NPAS3: variants seen among roughly 807,000 people sequenced by gnomAD.
NPAS3 encodes neuronal PAS domain-containing protein 3.
In NPAS3, 14 loss-of-function variants were observed where a neutral mutation model predicts 73.1. That is an observed-to-expected ratio of 0.19 (90% CI 0.13 to 0.30). NPAS3 has a LOEUF of 0.30. Ranked by LOEUF, NPAS3 falls within the 10% of genes least tolerant of loss-of-function variation. NPAS3 has a pLI of 1.00. For missense variants in NPAS3, 1,096 were observed against 1,250.0 expected (o/e 0.88, Z 1.86); for synonymous variants, 620 against 541.5 (o/e 1.14, Z -2.01).
In NPAS3 at chr14:33,800,398, CGGCGGTGGGGGT is replaced by C; in HGVS notation, c.2100_2111del (p.Gly703_Gly706del). The C allele has an allele frequency of 1.9e-6, 3 of 1,592,116 alleles. No individual in the cohort carries two copies. Among genetic ancestry groups the C allele is most frequent in the South Asian group, 1.1e-5 (1 of 90,100 alleles). On this transcript the variant is annotated inframe_deletion, in exon 12 of 12. Coordinates refer to ENST00000356141, the Ensembl canonical transcript of NPAS3. This position sits in a 1 kb window ranked among gnomAD's most constrained non-coding sequence, Gnocchi z 6.5. ...AGCACTTCCCGTCCCCGCAGGGCGGCGGCGGTGGGGGTGGCGGTGGCGGGGGGCTGCACGTGG... is the reference window on the plus strand; with the variant it reads ...AGCACTTCCCGTCCCCGCAGGGCGGCGGCGGTGGCGGGGGGCTGCACGTGG...
intron 4 of NPAS3, among the ~76,000 whole-genome samples, chr14:33,492,842 C>T (rs2051969681): frequency 6.6e-6 from 1 of 152,160 alleles, no homozygotes; most frequent in South Asian, 2.1e-4. Context: ...GCAATGATGG[C>T]AGGCTCTTCA....
At chr14:33,697,257 A>T (rs1202309426) in intron 6 of NPAS3, among the ~76,000 whole-genome samples, 1 of 152,184 alleles carries the variant, frequency 6.6e-6, no homozygotes, top group Non-Finnish European at 1.5e-5. Flanking sequence ...TGTCTATCAG[A>T]CAGCAATACT....
intron 6 of NPAS3, among the ~76,000 whole-genome samples, chr14:33,702,734 T>G (rs2060555275): frequency 6.6e-6 from 1 of 152,126 alleles, no homozygotes; most frequent in Non-Finnish European, 1.5e-5. Context: ...GGCAAGAAGA[T>G]AGAGACCTCA....
intron 2 of NPAS3, among the ~76,000 whole-genome samples, chr14:33,173,583 T>C (rs1181859564): frequency 6.6e-6 from 1 of 152,182 alleles, no homozygotes; most frequent in Non-Finnish European, 1.5e-5. Context: ...CTGATTCAGG[T>C]TTGTTTCAAG....
chr14:33,597,536 A>T (rs1420318318), intron 5 of NPAS3, among the ~76,000 whole-genome samples: 3 of 152,230 alleles, frequency 2.0e-5, no homozygotes, highest in Non-Finnish European at 2.9e-5. Flanking sequence ...AAGTCAGTTG[A>T]TTTAGAAACA....
At chr14:33,138,921 G>C (rs544308493) in intron 2 of NPAS3, among the ~76,000 whole-genome samples, 1 of 152,322 alleles carries the variant, frequency 6.6e-6, no homozygotes, top group Non-Finnish European at 1.5e-5. Context: ...CTGGATGCAT[G>C]ATTAAATACT....
At chr14:33,308,757 C>G (rs544050359) in intron 3 of NPAS3, among the ~76,000 whole-genome samples, 1 of 151,954 alleles carries the variant, frequency 6.6e-6, no homozygotes, top group African/African-American at 2.4e-5. Context: ...CCACAAATAA[C>G]TGTTCACCAC....
chr14:33,027,656 G>T (rs1011953376), intron 1 of NPAS3, among the ~76,000 whole-genome samples: 3 of 152,010 alleles, frequency 2.0e-5, no homozygotes, highest in African/African-American at 4.8e-5. Flanking sequence ...CAAACCATCT[G>T]CATTTGTTTT....
chr14:33,336,840 G>A (rs925923430), intron 3 of NPAS3, among the ~76,000 whole-genome samples: 2 of 149,930 alleles, frequency 1.3e-5, no homozygotes, highest in Non-Finnish European at 1.5e-5. Flanking sequence ...CTGATACTGT[G>A]GACCATCTTT....
chr14:33,335,439 G>A (rs2044182131), intron 3 of NPAS3, among the ~76,000 whole-genome samples: 2 of 152,134 alleles, frequency 1.3e-5, no homozygotes, highest in African/African-American at 4.8e-5. Flanking sequence ...TGAGTCAGAT[G>A]TCAGGCATTT....
chr14:33,175,679 TAAATTTAATTCATA>T (rs985865294), intron 2 of NPAS3, among the ~76,000 whole-genome samples: 1 of 152,196 alleles, frequency 6.6e-6, no homozygotes, highest in Non-Finnish European at 1.5e-5. Flanking sequence ...GTGGAAAAAG[TAAATTTAATTCATA>T]AGGTTGCCTT....
At chr14:33,784,014 C>G (rs948971502) in intron 9 of NPAS3, among the ~76,000 whole-genome samples, 1 of 152,146 alleles carries the variant, frequency 6.6e-6, no homozygotes, top group Non-Finnish European at 1.5e-5. Context: ...TCTCAGGGTA[C>G]TCGATCAGTA....
At chr14:32,996,402 A>T (rs565572907) in intron 1 of NPAS3, among the ~76,000 whole-genome samples, 2 of 152,316 alleles carry the variant, frequency 1.3e-5, no homozygotes, top group East Asian at 1.9e-4. Flanking sequence ...GAGGAACAAA[A>T]TGTTAATCCC....
At chr14:33,124,703 A>G (rs1235418021) in intron 2 of NPAS3, among the ~76,000 whole-genome samples, 1 of 152,158 alleles carries the variant, frequency 6.6e-6, no homozygotes, top group Non-Finnish European at 1.5e-5. Flanking sequence ...AGGAGAGGAA[A>G]TAGATGAGAA....
At chr14:33,719,596 C>A (rs951323747) in intron 6 of NPAS3, among the ~76,000 whole-genome samples, 1 of 152,112 alleles carries the variant, frequency 6.6e-6, no homozygotes, top group Non-Finnish European at 1.5e-5. Flanking sequence ...AATATATCCA[C>A]ACATTTAAAG....
intron 2 of NPAS3, among the ~76,000 whole-genome samples, chr14:33,144,023 G>C (rs2044152319): frequency 6.6e-6 from 1 of 151,938 alleles, no homozygotes; most frequent in South Asian, 2.1e-4. Context: ...GTAAACATTT[G>C]GGCACATGTA....
chr14:33,463,163 C>G (rs1176746159), intron 4 of NPAS3, among the ~76,000 whole-genome samples: 2 of 152,166 alleles, frequency 1.3e-5, no homozygotes, highest in African/African-American at 2.4e-5. Flanking sequence ...GAATCAGTTT[C>G]TATTAGTGTA....
chr14:33,520,260 A>T (rs1595075935), intron 4 of NPAS3, among the ~76,000 whole-genome samples: 1 of 152,230 alleles, frequency 6.6e-6, no homozygotes, highest in African/African-American at 2.4e-5. Flanking sequence ...AGAGGAGGCT[A>T]CGTTTCAGTG....
chr14:33,767,604 T>TTC lies in NPAS3; in HGVS notation c.853-6732_853-6731insCT, dbSNP rs558171424. ...CTAAACCCAGGGACTCTTGTCTTTTTTTTTTTTTTTTCGTACCTGAAGCCT... is the reference window on the plus strand; with the variant it reads ...CTAAACCCAGGGACTCTTGTCTTTTTTCTTTTTTTTTTTCGTACCTGAAGCCT... On this transcript the variant is annotated intron_variant, in intron 7 of 11. Coordinates refer to ENST00000356141, the Ensembl canonical transcript of NPAS3. Among the ~76,000 whole-genome samples, 324 of 151,088 alleles carry TTC rather than the reference T, an allele frequency of 2.1e-3. 3 individuals carry two copies. The highest frequency in any genetic ancestry group is 0.01 in the Middle Eastern group (3 of 290).
Sources: allele counts gnomAD v4.1 joint callset (sites outside exome capture counted in the v4.1 genomes callset), GRCh38; gene constraint gnomAD v4.1.1; non-coding constraint Gnocchi (gnomAD v3.1); transcripts MANE v1.5; gene names NCBI Gene and HGNC (gene_info 2026-07-23, HGNC 2026-07-21).